The following TMEM167A variants were observed in gnomAD, a reference collection of about 807,000 sequenced individuals.
The protein encoded by TMEM167A is transmembrane protein 167A.
In TMEM167A, 8 loss-of-function variants were observed where a neutral mutation model predicts 11.6. The ratio of observed to expected loss-of-function variants is 0.69; its 90% CI spans 0.40 to 1.24. TMEM167A has a LOEUF of 1.24. Ranked by LOEUF, TMEM167A falls within the 50% of genes most tolerant of loss-of-function variation. The pLI is 0.01. For missense variants in TMEM167A, 62 were observed against 87.0 expected, an observed-to-expected ratio of 0.71 and a Z score of 1.14; for synonymous variants, 22 against 28.0, an observed-to-expected ratio of 0.79 and a Z score of 0.67.
chr5:83,058,616 C>T lies in TMEM167A; in HGVS notation c.149-1462G>A, dbSNP rs533279857. The stretch of plus-strand genomic sequence containing the variant: ...AGCAAGCCTGTCACTCTTACTAGGG[C>T]TATATACCCTCATCTCATAGAGTCT... On this transcript the variant is annotated intron_variant, in intron 3 of 3. Coordinates refer to ENST00000502346, the MANE Select transcript of TMEM167A (RefSeq NM_174909.5). Among the ~76,000 whole-genome samples, 37 of 152,112 alleles carry T rather than the reference C, an allele frequency of 2.4e-4. No individual in the cohort carries two copies. In the South Asian group the frequency reaches 2.5e-3, roughly 10 times the overall value.
At position 83,064,912 on chromosome 5, in the gene TMEM167A, C is replaced by T. The variant is rs1014896213; in HGVS notation, c.113+96G>A. On this transcript the variant is annotated intron_variant, in intron 2 of 3. Coordinates refer to ENST00000502346, the MANE Select transcript of TMEM167A (RefSeq NM_174909.5). ...AAAAAGTTATTATAAAACCAAATTA[C>T]ATGTAGGAATTAAATTATCTAATAA... The T allele has an allele frequency of 6.8e-6, 5 of 733,412 alleles. No homozygotes were observed. The South Asian group carries it at 1.0e-4, about 15-fold the overall frequency. The allele number at this position is 733,412 out of a possible 1,614,324, so 45.4% of individuals were successfully genotyped here.
intron 1 of TMEM167A, 101 bp downstream of exon 1, chr5:83,077,220 C>A: frequency 6.4e-7 from 1 of 1,568,144 alleles, no homozygotes; most frequent in Non-Finnish European, 8.8e-7. Flanking sequence ...CTCTCAGCTC[C>A]GGGCCCACAC....
At chr5:83,063,923 A>T (rs1744442572) in intron 2 of TMEM167A, among the ~76,000 whole-genome samples, 1 of 152,038 alleles carries the variant, frequency 6.6e-6, no homozygotes. Flanking sequence ...AGTCATCAAG[A>T]ACTTGCTTTA....
At chr5:83,057,843 C>A (rs990251292) in intron 3 of TMEM167A, among the ~76,000 whole-genome samples, 1 of 152,058 alleles carries the variant, frequency 6.6e-6, no homozygotes, top group Admixed American at 6.6e-5. Flanking sequence ...CGAAGTAAAT[C>A]TCAAACTGGC....
intron 3 of TMEM167A, among the ~76,000 whole-genome samples, chr5:83,057,877 T>C (rs912027563): frequency 1.3e-5 from 2 of 152,076 alleles, no homozygotes; most frequent in African/African-American, 2.4e-5. Flanking sequence ...CGCAAACAGA[T>C]AGAGATCATG....
chr5:83,056,232 C>T lies in TMEM167A; in HGVS notation c.*852G>A, dbSNP rs1444004480. ...AAAAAACAAAACAAAAATACAGTTC[C>T]TTTACGGCAATTAAAATAAATGTTT... is the stretch of plus-strand genomic sequence containing the variant. On this transcript the variant is annotated 3_prime_UTR_variant, in exon 4 of 4. Coordinates refer to ENST00000502346, the MANE Select transcript of TMEM167A (RefSeq NM_174909.5). 4 of 151,944 alleles carry T rather than the reference C, an allele frequency of 2.6e-5. No individual in the cohort carries two copies. Among genetic ancestry groups the T allele is most frequent in the Admixed American group, 2.0e-4 (3 of 15,240 alleles). The allele number at this position is 151,944 out of a possible 1,614,324, so 9.4% of individuals were successfully genotyped here.
At chr5:83,065,145 T>C (rs1409876810) in intron 1 of TMEM167A, 28 bp from the exon 2 acceptor site, 2 of 1,375,924 alleles carry the variant, frequency 1.5e-6, no homozygotes, top group Non-Finnish European at 2.0e-6. Context: ...AAAGAAAAAT[T>C]AATATCAAGA....
At chr5:83,068,253 A>T (rs4331874) in intron 1 of TMEM167A, among the ~76,000 whole-genome samples, 55,160 of 151,934 alleles carry the variant, frequency 0.36, 10,562 homozygotes, top group Non-Finnish European at 0.42. Context: ...AGTGGGGATT[A>T]AAAAAAAGGC....
chr5:83,057,995 G>A (rs1449787794), intron 3 of TMEM167A, among the ~76,000 whole-genome samples: 2 of 152,026 alleles, frequency 1.3e-5, no homozygotes, highest in African/African-American at 4.8e-5. Context: ...CCATGAGGGC[G>A]GTATAAGAAA....
chr5:83,077,246 A>G, intron 1 of TMEM167A, 75 bp downstream of exon 1: 1 of 1,609,942 alleles, frequency 6.2e-7, no homozygotes, highest in South Asian at 1.1e-5. Flanking sequence ...GGGCTGCCGC[A>G]CAAACTCCAG....
rs1444345926 is a variant in TMEM167A at position 83,052,870 on chromosome 5, T to C, written c.*4214A>G. 1 of 151,986 alleles carries C rather than the reference T, an allele frequency of 6.6e-6. No homozygotes were observed. The highest frequency in any genetic ancestry group is 1.5e-5 in the Non-Finnish European group (1 of 67,926). The allele number at this position is 151,986 out of a possible 1,614,324, so 9.4% of individuals were successfully genotyped here. ...CTTGAGAGTTCATCTTGACTTTTATTACACACTAGACATATATGAACTAAT... is the reference window on the plus strand; with the variant it reads ...CTTGAGAGTTCATCTTGACTTTTATCACACACTAGACATATATGAACTAAT... On this transcript the variant is annotated 3_prime_UTR_variant, in exon 4 of 4. Transcript: ENST00000502346.
intron 1 of TMEM167A, chr5:83,071,537 A>C (rs1324107686): frequency 6.6e-6 from 1 of 152,176 alleles, no homozygotes; most frequent in East Asian, 1.9e-4. Context: ...AAAATGCAAA[A>C]CATGAAAATG....
chr5:83,059,526 G>C (rs1038231965), intron 3 of TMEM167A, among the ~76,000 whole-genome samples: 2 of 150,364 alleles, frequency 1.3e-5, no homozygotes, highest in African/African-American at 5.0e-5. Context: ...TTCTTTCTCA[G>C]AGTAACTTGT....
chr5:83,063,886 A>C (rs1334393202), intron 2 of TMEM167A, among the ~76,000 whole-genome samples: 1 of 147,120 alleles, frequency 6.8e-6, no homozygotes, highest in Non-Finnish European at 1.5e-5. Flanking sequence ...TTGAAGTAGC[A>C]AAAACTGAAG....
intron 2 of TMEM167A, chr5:83,064,449 C>T (rs1162787917): frequency 1.6e-5 from 7 of 430,502 alleles, no homozygotes; most frequent in Admixed American, 1.5e-4. Context: ...GGACATTATG[C>T]ATTATATTAG....
chr5:83,064,127 T>TA (rs1459218816), intron 2 of TMEM167A: 4 of 390,462 alleles, frequency 1.0e-5, no homozygotes, highest in Non-Finnish European at 2.0e-5. Flanking sequence ...ATAAAGGTTT[T>TA]AAAAAAAGCT....
At chr5:83,072,181 T>C (rs1744572315) in intron 1 of TMEM167A, among the ~76,000 whole-genome samples, 1 of 152,156 alleles carries the variant, frequency 6.6e-6, no homozygotes, top group East Asian at 1.9e-4. Context: ...GTTTTGGAGC[T>C]ATTTTATATA....
chr5:83,061,734 A>G (rs1277264992), intron 3 of TMEM167A, 143 bp downstream of exon 3: 2 of 782,410 alleles, frequency 2.6e-6, no homozygotes, highest in African/African-American at 3.5e-5. Flanking sequence ...AGAGCTTGGT[A>G]CAACTTATAA....
Position 83,056,221 on chromosome 5 carries a change from A to G in TMEM167A, c.*863T>C, listed in dbSNP as rs1209468647. The G allele has an allele frequency of 6.6e-6, 1 of 152,050 alleles. No individual in the cohort carries two copies. The highest frequency in any genetic ancestry group is 1.5e-5 in the Non-Finnish European group (1 of 67,950). The allele number at this position is 152,050 out of a possible 1,614,324, so 9.4% of individuals were successfully genotyped here. On this transcript the variant is annotated 3_prime_UTR_variant, in exon 4 of 4. Coordinates refer to ENST00000502346, the MANE Select transcript of TMEM167A (RefSeq NM_174909.5). ...AGTGCTGTGTTAAAAAACAAAACAA[A>G]AATACAGTTCCTTTACGGCAATTAA... is the stretch of plus-strand genomic sequence containing the variant.
Sources: allele counts gnomAD v4.1 joint callset (sites outside exome capture counted in the v4.1 genomes callset), GRCh38; gene constraint gnomAD v4.1.1; transcripts MANE v1.5; gene names NCBI Gene and HGNC (gene_info 2026-07-23, HGNC 2026-07-21).